WDR20: variants seen among roughly 807,000 people sequenced by gnomAD.
WDR20 encodes the protein WD repeat-containing protein 20.
Under a neutral mutation model 38.7 loss-of-function variants are expected in WDR20, and 3 were observed. The observed-to-expected ratio is 0.08, with a 90% CI of 0.04 to 0.20. WDR20 has a LOEUF of 0.20. Ranked by LOEUF, WDR20 falls within the 10% of genes least tolerant of loss-of-function variation. The probability of loss-of-function intolerance (pLI) is 1.00; values close to 1 mark genes in which losing one functional copy is unlikely to be tolerated. For synonymous variants in WDR20, 298 were observed against 285.6 expected (o/e 1.04, Z -0.44); for missense variants, 559 against 727.7 (o/e 0.77, Z 2.67).
At chr14:102,213,230 CAGA>C, downstream of WDR20, 1 of 985,438 alleles carries the variant, frequency 1.0e-6, no homozygotes, top group Admixed American at 6.1e-5. Flanking sequence ...TTTTCTTATT[CAGA>C]AGGAGAATTA....
chr14:102,213,051 G>A (rs888745311), downstream of WDR20: 17 of 989,532 alleles, frequency 1.7e-5, no homozygotes, highest in African/African-American at 1.2e-4. Flanking sequence ...GTCCCTGGGC[G>A]GTGTCAGACA....
intron 1 of WDR20, among the ~76,000 whole-genome samples, chr14:102,177,844 A>G (rs1260316130): frequency 6.6e-6 from 1 of 152,180 alleles, no homozygotes; most frequent in Non-Finnish European, 1.5e-5. Flanking sequence ...CCAGTCACCT[A>G]TATTGATTCC....
At chr14:102,162,114 G>A (rs28680507) in intron 1 of WDR20, among the ~76,000 whole-genome samples, 4,256 of 152,254 alleles carry the variant, frequency 0.028, 167 homozygotes, top group African/African-American at 0.083. Context: ...TTGGATAAGC[G>A]AGTAAGAAAT....
At chr14:102,216,043 C>T (rs2063177908), downstream of WDR20, among the ~76,000 whole-genome samples, 1 of 152,152 alleles carries the variant, frequency 6.6e-6, no homozygotes, top group Non-Finnish European at 1.5e-5. Context: ...CCCACTCAGC[C>T]GCCTCTGCAT....
chr14:102,156,419 C>T (rs1167063651), intron 1 of WDR20, among the ~76,000 whole-genome samples: 6 of 152,048 alleles, frequency 3.9e-5, no homozygotes, highest in Non-Finnish European at 8.8e-5. Flanking sequence ...CTGCCCGCCT[C>T]GGCCTCCCAA....
intron 1 of WDR20, among the ~76,000 whole-genome samples, chr14:102,174,068 G>T (rs1371328939): frequency 6.6e-6 from 1 of 151,374 alleles, no homozygotes; most frequent in Admixed American, 6.6e-5. Context: ...AAGAATAATG[G>T]TCTCCAGCTT....
chr14:102,142,774 CTTTTTTTTTTTTT>C (rs71116885), intron 1 of WDR20, among the ~76,000 whole-genome samples: 1 of 85,038 alleles, frequency 1.2e-5, no homozygotes, highest in African/African-American at 4.3e-5. Context: ...GCTGTTTTGA[CTTTTTTTTTTTTT>C]TTTTTTTTTT....
intron 1 of WDR20, among the ~76,000 whole-genome samples, chr14:102,192,996 A>AC (rs2058764931): frequency 6.7e-6 from 1 of 148,558 alleles, no homozygotes; most frequent in South Asian, 2.1e-4. Context: ...TCTTAAGCAA[A>AC]CTAAAAAAAA....
At chr14:102,172,768 C>T (rs2061186394) in intron 1 of WDR20, among the ~76,000 whole-genome samples, 1 of 150,696 alleles carries the variant, frequency 6.6e-6, no homozygotes, top group Non-Finnish European at 1.5e-5. Flanking sequence ...CTCCTCACTT[C>T]CCAGACGGGG....
chr14:102,215,835 T>A (rs930235244), downstream of WDR20, among the ~76,000 whole-genome samples: 6 of 152,202 alleles, frequency 3.9e-5, no homozygotes, highest in Non-Finnish European at 8.8e-5. Context: ...TGATTTACAT[T>A]GTCTTACTAT....
At chr14:102,185,499 A>G (rs981757744) in intron 1 of WDR20, among the ~76,000 whole-genome samples, 7 of 152,078 alleles carry the variant, frequency 4.6e-5, no homozygotes, top group Non-Finnish European at 8.8e-5. Context: ...GTGCAGCAGA[A>G]GGCACACGGG....
downstream of WDR20, among the ~76,000 whole-genome samples, chr14:102,210,733 C>CG (rs1160515799): frequency 9.2e-6 from 1 of 109,206 alleles, no homozygotes; most frequent in Non-Finnish European, 1.9e-5. Context: ...GGTTTTTTGC[C>CG]GGGGGCGGGG....
intron 1 of WDR20, among the ~76,000 whole-genome samples, chr14:102,165,699 C>T (rs1196352876): frequency 4.4e-5 from 6 of 137,112 alleles, no homozygotes; most frequent in Non-Finnish European, 7.6e-5. Context: ...TGCAGTGGTT[C>T]GATCACAACT....
chr14:102,210,131 C>T lies in WDR20; in HGVS notation c.*251C>T. Reference sequence around the variant, plus strand: ...CATCCTCCTGGGAGTATATAGAGTCCCAAGGTTAGCGCTCCTGTATTAGAC... The same window carrying T: ...CATCCTCCTGGGAGTATATAGAGTCTCAAGGTTAGCGCTCCTGTATTAGAC... On this transcript the variant is annotated 3_prime_UTR_variant, in exon 3 of 3. Coordinates refer to ENST00000342702, the MANE Select transcript of WDR20 (RefSeq NM_144574.4). 2 of 1,222,284 alleles carry T rather than the reference C, an allele frequency of 1.6e-6. No homozygotes were observed. The highest frequency in any genetic ancestry group is 2.0e-6 in the Non-Finnish European group (2 of 979,618). The allele number at this position is 1,222,284 out of a possible 1,614,324, so 75.7% of individuals were successfully genotyped here.
intron 1 of WDR20, among the ~76,000 whole-genome samples, chr14:102,150,702 A>G (rs1351856115): frequency 1.1e-4 from 17 of 152,116 alleles, no homozygotes; most frequent in Non-Finnish European, 1.0e-4. Flanking sequence ...ATTTCATTTA[A>G]TAAATATTTG....
chr14:102,204,663 G>A (rs1442032244), intron 2 of WDR20, among the ~76,000 whole-genome samples: 1 of 152,198 alleles, frequency 6.6e-6, no homozygotes. Context: ...CCTGTAGGGA[G>A]ACAGGCATGA....
downstream of WDR20, chr14:102,214,949 T>G (rs1390978286): frequency 2.0e-6 from 2 of 985,386 alleles, no homozygotes; most frequent in East Asian, 2.3e-4. Context: ...TCTGAAGTAC[T>G]GTGGGGCTGT....
chr14:102,204,392 T>C (rs573511053), intron 2 of WDR20, among the ~76,000 whole-genome samples: 9 of 152,314 alleles, frequency 5.9e-5, no homozygotes, highest in African/African-American at 2.2e-4. Context: ...AGTCCCCTTC[T>C]CCCCAGCACG....
rs1036009050 is a variant in WDR20, at chr14:102,160,173, G to A, written c.249+20001G>A. On this transcript the variant is annotated intron_variant, in intron 1 of 2. Transcript: ENST00000342702. ...TGCTATCTGTTTTAAGTGTACAATT[G>A]AATGATTTTTAGTAATTTATTGAGT... 7.2e-5 allele frequency among the ~76,000 whole-genome samples: 11 copies of A among 152,196 alleles called. No homozygotes were observed. The South Asian group carries it at 2.3e-3, about 32-fold the overall frequency.
Sources: allele counts gnomAD v4.1 joint callset (sites outside exome capture counted in the v4.1 genomes callset), GRCh38; gene constraint gnomAD v4.1.1; transcripts MANE v1.5; gene names NCBI Gene and HGNC (gene_info 2026-07-23, HGNC 2026-07-21).